Variants in MALT1 observed in about 807,000 individuals in gnomAD.
The protein encoded by MALT1 is MALT1 paracaspase, also known as mucosa-associated lymphoid tissue lymphoma translocation protein 1.
In MALT1, 36 loss-of-function variants were observed where a neutral mutation model predicts 85.5. That is an observed-to-expected ratio of 0.42 (90% confidence interval 0.32 to 0.56). The LOEUF is 0.56. Among genes scored for constraint, MALT1 ranks in the 20% least tolerant of loss-of-function variants. The probability of loss-of-function intolerance (pLI) is 0.10; values close to 1 mark genes in which losing one functional copy is unlikely to be tolerated. For missense variants in MALT1, 716 were observed against 981.6 expected, an observed-to-expected ratio of 0.73 and a Z score of 3.62; for synonymous variants, 359 against 361.3, an observed-to-expected ratio of 0.99 and a Z score of 0.07.
rs374178090 is a variant in MALT1, at chr18:58,718,564, TC to T, written c.1018+2598del. 1.1e-3 allele frequency among the ~76,000 whole-genome samples: 167 copies of T among 152,236 alleles called. 2 individuals carry two copies. The highest frequency in any genetic ancestry group is 6.8e-3 in the Middle Eastern group (2 of 294). On this transcript the variant is annotated intron_variant, in intron 9 of 16. Coordinates refer to ENST00000649217, the MANE Select transcript of MALT1 (RefSeq NM_006785.4). ...TGATCTGAGATGGAACAATTTCATC[TC>T]AAAACCACCCCTCCCCTGACACCGT...
intron 2 of MALT1, among the ~76,000 whole-genome samples, chr18:58,691,817 G>C (rs1184811449): frequency 1.3e-5 from 2 of 151,740 alleles, no homozygotes; most frequent in Non-Finnish European, 2.9e-5. Context: ...AGCTTGCCGT[G>C]AGCCGAGATT....
intron 10 of MALT1, among the ~76,000 whole-genome samples, chr18:58,724,238 T>C (rs1276847456): frequency 6.6e-6 from 1 of 152,280 alleles, no homozygotes; most frequent in Admixed American, 6.5e-5. Context: ...AAAAGCTTTT[T>C]TTTTCCCCCC....
At chr18:58,673,008 A>G (rs990532391) in intron 1 of MALT1, 3 of 152,226 alleles carry the variant, frequency 2.0e-5, no homozygotes, top group Middle Eastern at 3.2e-3. Flanking sequence ...CATTGTTGTA[A>G]CTTTGGCCTG....
chr18:58,737,292 C>T (rs966317590), intron 13 of MALT1, among the ~76,000 whole-genome samples: 1 of 152,056 alleles, frequency 6.6e-6, no homozygotes, highest in African/African-American at 2.4e-5. Flanking sequence ...CCAACCTAGG[C>T]AACATTGTCA....
At chr18:58,676,005 C>T (rs185161686) in intron 1 of MALT1, among the ~76,000 whole-genome samples, 4 of 152,260 alleles carry the variant, frequency 2.6e-5, no homozygotes, top group Admixed American at 6.5e-5. Context: ...ACACACAAAT[C>T]GTTTTTGTCA....
intron 9 of MALT1, among the ~76,000 whole-genome samples, chr18:58,718,576 C>A (rs1220505680): frequency 8.5e-5 from 13 of 152,202 alleles, no homozygotes; most frequent in Admixed American, 7.9e-4. Context: ...AAAACCACCC[C>A]TCCCCTGACA....
intron 9 of MALT1, among the ~76,000 whole-genome samples, chr18:58,721,259 A>C (rs1203491392): frequency 6.6e-6 from 1 of 152,120 alleles, no homozygotes; most frequent in Non-Finnish European, 1.5e-5. Flanking sequence ...CATGCCTGTA[A>C]TCCCAGCTAC....
chr18:58,738,824 G>A (rs2055261704), intron 13 of MALT1, among the ~76,000 whole-genome samples: 2 of 151,802 alleles, frequency 1.3e-5, no homozygotes, highest in Admixed American at 6.6e-5. Context: ...TTGGCTTATT[G>A]ATTTAGAGGA....
chr18:58,705,201 A>G (rs1389582009), intron 4 of MALT1, among the ~76,000 whole-genome samples: 2 of 152,106 alleles, frequency 1.3e-5, no homozygotes, highest in Non-Finnish European at 2.9e-5. Context: ...AGAACCTTAT[A>G]TAGTATACTT....
At chr18:58,739,394 C>T (rs1396527729) in intron 13 of MALT1, among the ~76,000 whole-genome samples, 2 of 152,080 alleles carry the variant, frequency 1.3e-5, no homozygotes, top group Non-Finnish European at 2.9e-5. Flanking sequence ...TAGAATGTAG[C>T]GTAGGCCTTG....
At chr18:58,712,120 G>A (rs2054839326) in intron 7 of MALT1, among the ~76,000 whole-genome samples, 1 of 152,122 alleles carries the variant, frequency 6.6e-6, no homozygotes, top group African/African-American at 2.4e-5. Context: ...GCAGTAGCAA[G>A]CACACTATTA....
chr18:58,751,057 G>C lies in MALT1; in HGVS notation c.*3215G>C, dbSNP rs2055439423. The C allele has an allele frequency of 6.6e-6, 1 of 152,256 alleles. No individual in the cohort carries two copies. The highest frequency in any genetic ancestry group is 1.5e-5 in the Non-Finnish European group (1 of 68,066). The allele number at this position is 152,256 out of a possible 1,614,324, so 9.4% of individuals were successfully genotyped here. On this transcript the variant is annotated 3_prime_UTR_variant, in exon 17 of 17. Coordinates refer to ENST00000649217, the MANE Select transcript of MALT1 (RefSeq NM_006785.4). ...TCCAGTGAACTTGCTGTGATGATGGGATGCTTGGTATCCGCACTCCCAGTG... is the reference window on the plus strand; with the variant it reads ...TCCAGTGAACTTGCTGTGATGATGGCATGCTTGGTATCCGCACTCCCAGTG...
chr18:58,740,675 C>T (rs182466420), intron 13 of MALT1, among the ~76,000 whole-genome samples: 3 of 152,100 alleles, frequency 2.0e-5, no homozygotes, highest in Admixed American at 2.0e-4. Flanking sequence ...TTCATTATGG[C>T]CAAGTAAAAG....
chr18:58,732,712 C>T (rs1224607177), intron 10 of MALT1, among the ~76,000 whole-genome samples: 1 of 147,896 alleles, frequency 6.8e-6, no homozygotes. Context: ...CCTAACAGAA[C>T]TCCTAGCTTC....
chr18:58,710,112 A>T, intron 6 of MALT1, 40 bp downstream of exon 6: 2 of 1,277,002 alleles, frequency 1.6e-6, no homozygotes. Context: ...AGTGGACTAT[A>T]ATATAAGCTA....
At chr18:58,689,660 G>A (rs181217283) in intron 2 of MALT1, among the ~76,000 whole-genome samples, 2 of 152,292 alleles carry the variant, frequency 1.3e-5, no homozygotes, top group Admixed American at 6.5e-5. Flanking sequence ...CACTGAACTG[G>A]GTGAATGTAA....
chr18:58,688,267 AG>A (rs1421080253), intron 2 of MALT1, among the ~76,000 whole-genome samples: 9 of 150,126 alleles, frequency 6.0e-5, no homozygotes, highest in Admixed American at 2.0e-4. Context: ...TTCAATTCTC[AG>A]TCTTTGAAGC....
At chr18:58,689,689 G>A (rs1368929509) in intron 2 of MALT1, among the ~76,000 whole-genome samples, 1 of 152,154 alleles carries the variant, frequency 6.6e-6, no homozygotes, top group African/African-American at 2.4e-5. Flanking sequence ...TGGGGGGTGG[G>A]AGGGTACCTA....
intron 9 of MALT1, among the ~76,000 whole-genome samples, chr18:58,717,814 A>G (rs1472083020): frequency 6.6e-6 from 1 of 151,652 alleles, no homozygotes; most frequent in African/African-American, 2.4e-5. Context: ...CATGTATTCC[A>G]GCTCCATGAT....
Sources: allele counts gnomAD v4.1 joint callset (sites outside exome capture counted in the v4.1 genomes callset), GRCh38; gene constraint gnomAD v4.1.1; transcripts MANE v1.5; gene names NCBI Gene and HGNC (gene_info 2026-07-23, HGNC 2026-07-21).